The following MGRN1 variants were observed in gnomAD, a reference collection of about 807,000 sequenced individuals.
The protein encoded by MGRN1 is mahogunin ring finger 1, also known as E3 ubiquitin-protein ligase MGRN1.
MGRN1 carries 29 observed loss-of-function variants against 69.2 expected under a neutral mutation model. The observed-to-expected ratio is 0.42, with a 90% CI of 0.31 to 0.57. MGRN1 has a LOEUF of 0.57. Ranked by LOEUF, MGRN1 falls within the 20% of genes least tolerant of loss-of-function variation. The pLI is 0.15. For synonymous variants in MGRN1, 470 were observed against 344.2 expected, an observed-to-expected ratio of 1.37 and a Z score of -4.04; for missense variants, 998 against 796.2, an observed-to-expected ratio of 1.25 and a Z score of -3.05.
intron 16 of MGRN1, chr16:4,688,429 C>T (rs975403868): frequency 3.4e-5 from 36 of 1,048,822 alleles, no homozygotes; most frequent in Non-Finnish European, 3.7e-5. Flanking sequence ...CCTAACCCAG[C>T]CGTAAGAACC....
intron 5 of MGRN1, among the ~76,000 whole-genome samples, chr16:4,661,365 T>TTTCTCCTGCACCCTC (rs1461808624): frequency 6.6e-6 from 1 of 152,216 alleles, no homozygotes; most frequent in Non-Finnish European, 1.5e-5. Context: ...TTCGCACCCT[T>TTTCTCCTGCACCCTC]TTCTCCTGCA....
chr16:4,690,583 T>TGCACATGCTCAC lies in MGRN1; in HGVS notation c.*1683_*1694dup. ...ACACACACACAAATGCACGCCCACT[T>TGCACATGCTCAC]GCACATGCTCACGCACATGTTCACA... On this transcript the variant is annotated 3_prime_UTR_variant, in exon 17 of 17. Coordinates refer to ENST00000262370, the MANE Select transcript of MGRN1 (RefSeq NM_015246.4). The TGCACATGCTCAC allele has an allele frequency of 6.6e-6, 1 of 152,534 alleles. No individual in the cohort carries two copies. The highest frequency in any genetic ancestry group is 2.1e-4 in the South Asian group (1 of 4,858). The allele number at this position is 152,534 out of a possible 1,614,324, so 9.4% of individuals were successfully genotyped here.
chr16:4,650,994 A>G (rs1267791871), intron 2 of MGRN1: 1 of 152,328 alleles, frequency 6.6e-6, no homozygotes, highest in African/African-American at 2.4e-5. Flanking sequence ...CTGTAATCCC[A>G]ACTACTCGGG....
At chr16:4,657,159 G>A in intron 4 of MGRN1, 87 bp from the exon 5 acceptor site, 2 of 1,269,248 alleles carry the variant, frequency 1.6e-6, no homozygotes, top group Non-Finnish European at 1.1e-6. Context: ...GGTGTCTGCG[G>A]CCCTTCCAGC....
intron 5 of MGRN1, chr16:4,664,260 A>G (rs1341515637): frequency 4.2e-6 from 1 of 235,814 alleles, no homozygotes; most frequent in East Asian, 1.1e-4. Flanking sequence ...ACCTAGACAC[A>G]GAAGGTCACC....
intron 9 of MGRN1, 48 bp downstream of exon 9, chr16:4,671,507 C>G (rs1207820987): frequency 3.2e-6 from 5 of 1,573,002 alleles, no homozygotes; most frequent in Admixed American, 1.7e-5. Context: ...AAGCCCACAC[C>G]AGGAGCAGCC....
intron 13 of MGRN1, 138 bp from the exon 14 acceptor site, chr16:4,682,685 C>G: frequency 9.7e-7 from 1 of 1,034,988 alleles, no homozygotes. Context: ...GCTGGTGATG[C>G]CCTTCTCCAG....
At chr16:4,625,089 T>A in intron 1 of MGRN1, 41 bp downstream of exon 1, 1 of 1,486,876 alleles carries the variant, frequency 6.7e-7, no homozygotes, top group Non-Finnish European at 9.0e-7. Context: ...AGGCACGCGC[T>A]GGAACGCGGA....
intron 1 of MGRN1, among the ~76,000 whole-genome samples, chr16:4,646,711 CAG>C (rs950213020): frequency 6.6e-6 from 1 of 152,222 alleles, no homozygotes; most frequent in Non-Finnish European, 1.5e-5. Flanking sequence ...GCAGTCTGCC[CAG>C]AGACATGTCG....
chr16:4,678,805 C>T (rs952461715), intron 11 of MGRN1, among the ~76,000 whole-genome samples: 4 of 152,218 alleles, frequency 2.6e-5, no homozygotes, highest in East Asian at 3.8e-4. Context: ...AAAAGAGGAG[C>T]AGAGCCCTGA....
rs1298874781 is a variant in MGRN1, at chr16:4,664,958, G to A, written c.629-144G>A. 1.7e-5 allele frequency: 20 copies of A among 1,156,384 alleles called. No homozygotes were observed. In the East Asian group the frequency reaches 2.2e-4, roughly 13 times the overall value. The allele number at this position is 1,156,384 out of a possible 1,614,324, so 71.6% of individuals were successfully genotyped here. On this transcript the variant is annotated intron_variant, in intron 6 of 16. Coordinates refer to ENST00000262370, the MANE Select transcript of MGRN1 (RefSeq NM_015246.4). ...GTGAGGAGGTGGAAAGTGCAGGAGG[G>A]CAGGTCCCAGAACAGGCTCAGGACT...
In MGRN1 at chr16:4,688,777, C is replaced by A. The variant is rs375255415; in HGVS notation, c.1619-19C>A. The A allele has an allele frequency of 2.0e-6, 3 of 1,532,496 alleles. No homozygotes were observed. The highest frequency in any genetic ancestry group is 2.8e-5 in the African/African-American group (2 of 72,686). The allele number at this position is 1,532,496 out of a possible 1,614,324, so 94.9% of individuals were successfully genotyped here. A position where few individuals can be genotyped will look rare whatever the true frequency, so the allele number is the denominator to read the frequency against. On this transcript the variant is annotated intron_variant, in intron 16 of 16. Transcript: ENST00000262370. Reference sequence around the variant, plus strand: ...CAGGCATCCGAGTGTGACCCTCCTCCCTCTGCTCCCACCTGCAGGACGGCC... The same window carrying A: ...CAGGCATCCGAGTGTGACCCTCCTCACTCTGCTCCCACCTGCAGGACGGCC...
intron 1 of MGRN1, among the ~76,000 whole-genome samples, chr16:4,638,751 G>C (rs1198086271): frequency 6.6e-6 from 1 of 152,230 alleles, no homozygotes; most frequent in Non-Finnish European, 1.5e-5. Flanking sequence ...CACCTGTCCT[G>C]TTAGAACACG....
At chr16:4,659,246 C>T (rs1031032390) in intron 5 of MGRN1, 1 of 152,270 alleles carries the variant, frequency 6.6e-6, no homozygotes, top group Admixed American at 6.5e-5. Context: ...TCTGTCCTCT[C>T]CCGGCATCAC....
At chr16:4,655,618 C>T (rs753402567) in intron 4 of MGRN1, among the ~76,000 whole-genome samples, 1 of 152,088 alleles carries the variant, frequency 6.6e-6, no homozygotes, top group East Asian at 1.9e-4. Context: ...CCCCTCCCAG[C>T]AGGCATCACA....
At chr16:4,655,511 G>T (rs139311542) in intron 4 of MGRN1, among the ~76,000 whole-genome samples, 230 of 151,932 alleles carry the variant, frequency 1.5e-3, no homozygotes, top group African/African-American at 5.4e-3. Flanking sequence ...TCAGGACCTG[G>T]TACGAGGCCT....
In MGRN1 at chr16:4,631,725, C is replaced by A. The variant is rs909991402; in HGVS notation, c.88+6677C>A. Among the ~76,000 whole-genome samples, 6 of 152,286 alleles carry A rather than the reference C, an allele frequency of 3.9e-5. No homozygotes were observed. The South Asian group carries it at 1.2e-3, about 32-fold the overall frequency. On this transcript the variant is annotated intron_variant, in intron 1 of 16. Coordinates refer to ENST00000262370, the MANE Select transcript of MGRN1 (RefSeq NM_015246.4). Reference sequence around the variant, plus strand: ...TGGTTATGCTAAGTTCTTTGCATTTCCATATACATTTTATAATTAGCCTGT... The same window carrying A: ...TGGTTATGCTAAGTTCTTTGCATTTACATATACATTTTATAATTAGCCTGT...
In MGRN1 at chr16:4,671,467, T is replaced by C. The variant is rs715109; in HGVS notation, c.795+8T>C. The C allele has an allele frequency of 0.6, 963,665 of 1,612,604 alleles. 290,593 individuals carry two copies. Among genetic ancestry groups the C allele is most frequent in the East Asian group, 0.66 (29,498 of 44,858 alleles). ...AACAACCAGGAGACCAAGGTGTGTATCTGGGTGAGGTTTCCCTCTGCCATT... is the reference window on the plus strand; with the variant it reads ...AACAACCAGGAGACCAAGGTGTGTACCTGGGTGAGGTTTCCCTCTGCCATT... On this transcript the variant is annotated splice_region_variant and intron_variant, in intron 9 of 16. Transcript: ENST00000262370.
At chr16:4,636,816 T>C (rs1898317443) in intron 1 of MGRN1, among the ~76,000 whole-genome samples, 1 of 152,070 alleles carries the variant, frequency 6.6e-6, no homozygotes, top group African/African-American at 2.4e-5. Flanking sequence ...GTGAAGTCTT[T>C]TACACATTAA....
Sources: gnomAD v4.1 joint callset for allele counts (sites outside exome capture counted in the v4.1 genomes callset) on GRCh38, gnomAD v4.1.1 for gene constraint, MANE v1.5 for transcripts, NCBI Gene and HGNC (gene_info 2026-07-23, HGNC 2026-07-21) for gene names.